The following GTF2H3 variants were observed in gnomAD, a reference collection of about 807,000 sequenced individuals.
GTF2H3 encodes general transcription factor IIH subunit 3.
In GTF2H3, 42 loss-of-function variants were observed where a neutral mutation model predicts 51.1. The observed-to-expected ratio is 0.82, with a 90% CI of 0.64 to 1.06. The LOEUF (loss-of-function observed/expected upper bound fraction) is 1.06. GTF2H3 is among the 50% of genes least tolerant of loss of function. The probability of loss-of-function intolerance (pLI) is 0.00; values close to 1 mark genes in which losing one functional copy is unlikely to be tolerated. For missense variants in GTF2H3, 326 were observed against 366.1 expected (o/e 0.89, Z 0.89); for synonymous variants, 123 against 123.8 (o/e 0.99, Z 0.04).
chr12:123,635,484 A>G (rs1380398510), intron 1 of GTF2H3, among the ~76,000 whole-genome samples: 1 of 151,810 alleles, frequency 6.6e-6, no homozygotes, highest in Non-Finnish European at 1.5e-5. Flanking sequence ...GAGGCAGGAA[A>G]ATTGCTTGAA....
In GTF2H3 at chr12:123,637,858, C is replaced by T. The variant is rs555073072; in HGVS notation, c.14-1406C>T. On this transcript the variant is annotated intron_variant, in intron 1 of 12. Coordinates refer to ENST00000543341, the MANE Select transcript of GTF2H3 (RefSeq NM_001516.5). Reference sequence around the variant, plus strand: ...TTGCTGCTACATGATTTGATGAGTACGGGCCAAATTGACAGCTACGCCTCC... The same window carrying T: ...TTGCTGCTACATGATTTGATGAGTATGGGCCAAATTGACAGCTACGCCTCC... 1.3e-4 allele frequency among the ~76,000 whole-genome samples: 20 copies of T among 152,218 alleles called. No individual in the cohort carries two copies. The South Asian group carries it at 1.9e-3, about 14-fold the overall frequency.
At chr12:123,652,679 A>T (rs1374083688) in intron 6 of GTF2H3, 28 bp from the exon 7 acceptor site, 6 of 1,543,684 alleles carry the variant, frequency 3.9e-6, no homozygotes, top group African/African-American at 1.4e-5. Flanking sequence ...ATTTAGTTAA[A>T]TTTTTTTCTG....
chr12:123,652,793 G>T, intron 7 of GTF2H3, 58 bp downstream of exon 7: 1 of 1,408,822 alleles, frequency 7.1e-7, no homozygotes, highest in South Asian at 1.4e-5. Flanking sequence ...AAACATAACG[G>T]GAGACCAGGT....
chr12:123,648,264 T>G (rs1955476612), intron 4 of GTF2H3, 138 bp downstream of exon 4: 1 of 603,886 alleles, frequency 1.7e-6, no homozygotes, highest in Non-Finnish European at 2.8e-6. Context: ...TTCGTCAAAG[T>G]TGGTTCATTA....
rs1343863479 is a variant in GTF2H3, at chr12:123,660,239, T to A, written c.*4T>A. ...GAAACTGAAAGTGTCTGCCTGAGGA[T>A]AAAATATTTTCCCCATCTTTTAGAG... On this transcript the variant is annotated 3_prime_UTR_variant, in exon 13 of 13. Transcript: ENST00000543341. The A allele has an allele frequency of 6.3e-7, 1 of 1,597,974 alleles. No individual in the cohort carries two copies. Among genetic ancestry groups the A allele is most frequent in the Non-Finnish European group, 8.5e-7 (1 of 1,170,990 alleles).
Position 123,652,728 on chromosome 12 carries a change from G to A in GTF2H3, c.479G>A (p.Arg160Lys). Residue 160 changes from arginine (R) to lysine (K), a missense_variant, in exon 7 of 13, where the codon AGG becomes AAG. Physicochemically the swap from Arg to Lys is conservative, Grantham distance 26. Transcript: ENST00000543341. ...EVKDNQEMKSRILVIKAAEDS... is the reference protein window; with the variant it reads ...EVKDNQEMKSKILVIKAAEDS... ...GTAGACAATCAGGAAATGAAATCAA[G>A]GATATTGGTAAGATAAAAAAATCAT... 6.7e-7 allele frequency: 1 copy of A among 1,501,168 alleles called. No homozygotes were observed. Among genetic ancestry groups the A allele is most frequent in the Non-Finnish European group, 9.0e-7 (1 of 1,107,172 alleles). The allele number at this position is 1,501,168 out of a possible 1,614,324, so 93.0% of individuals were successfully genotyped here. A position where few individuals can be genotyped will look rare whatever the true frequency, so the allele number is the denominator to read the frequency against.
Position 123,659,471 on chromosome 12 carries a change from C to A in GTF2H3, c.616-45C>A, listed in dbSNP as rs764868061. On this transcript the variant is annotated intron_variant, in intron 9 of 12. Coordinates refer to ENST00000543341, the MANE Select transcript of GTF2H3 (RefSeq NM_001516.5). ...ATGAGAACCTCATTCCTCTGGAAAC[C>A]CTAGGTAAGTGCGAGTTTGGCAGCA... The A allele has an allele frequency of 1.3e-5, 21 of 1,564,172 alleles. No individual in the cohort carries two copies. The East Asian group carries it at 4.7e-4, about 35-fold the overall frequency.
At chr12:123,655,556 G>A (rs1479006603) in intron 8 of GTF2H3, 5 of 473,948 alleles carry the variant, frequency 1.1e-5, no homozygotes, top group Non-Finnish European at 1.9e-5. Context: ...GACATGCCGA[G>A]TGGGGTGACA....
chr12:123,639,396 T>C, intron 2 of GTF2H3, 53 bp downstream of exon 2: 1 of 855,124 alleles, frequency 1.2e-6, no homozygotes, highest in Non-Finnish European at 2.0e-6. Context: ...TGAGTGTTTA[T>C]ATTGCTTTTT....
chr12:123,638,521 T>C (rs1256378984), intron 1 of GTF2H3, among the ~76,000 whole-genome samples: 1 of 152,050 alleles, frequency 6.6e-6, no homozygotes, highest in East Asian at 1.9e-4. Flanking sequence ...TTGCCCAGGC[T>C]GGTCTTGGGA....
rs549643388 is a variant in GTF2H3 at position 123,655,666 on chromosome 12, T to C, written c.562-105T>C. 13 of 704,310 alleles carry C rather than the reference T, an allele frequency of 1.8e-5. No individual in the cohort carries two copies. In the South Asian group the frequency reaches 2.1e-4, roughly 11 times the overall value. The allele number at this position is 704,310 out of a possible 1,614,324, so 43.6% of individuals were successfully genotyped here. A position where few individuals can be genotyped will look rare whatever the true frequency, so the allele number is the denominator to read the frequency against. On this transcript the variant is annotated intron_variant, in intron 8 of 12. Coordinates refer to ENST00000543341, the MANE Select transcript of GTF2H3 (RefSeq NM_001516.5). ...TGCCGTGCAGAGTCACGTTGCATAT[T>C]GAGTGAGCTATTTTAAGCATAGAGT...
At chr12:123,648,332 G>A (rs972716464) in intron 4 of GTF2H3, 11 of 381,822 alleles carry the variant, frequency 2.9e-5, no homozygotes, top group Admixed American at 9.2e-5. Context: ...CTGGAAACAC[G>A]ACTTTTGGCT....
In GTF2H3 at chr12:123,645,733, T is replaced by A. The variant is rs1955437138; in HGVS notation, c.200+172T>A. Reference sequence around the variant, plus strand: ...TGTACATTGTGATATCCATGAAATTTGCAAACCTTATTATTAGTAGATAGT... The same window carrying A: ...TGTACATTGTGATATCCATGAAATTAGCAAACCTTATTATTAGTAGATAGT... On this transcript the variant is annotated intron_variant, in intron 3 of 12. Transcript: ENST00000543341. 2.0e-5 allele frequency among the ~76,000 whole-genome samples: 3 copies of A among 152,196 alleles called. No homozygotes were observed. In the South Asian group the frequency reaches 6.2e-4, roughly 31 times the overall value.
In GTF2H3 at chr12:123,660,272, T is replaced by C. The variant is rs1408381758; in HGVS notation, c.*37T>C. The C allele has an allele frequency of 1.4e-6, 2 of 1,429,512 alleles. No homozygotes were observed. The highest frequency in any genetic ancestry group is 1.9e-6 in the Non-Finnish European group (2 of 1,027,616). 88.6% of individuals were successfully genotyped at this position (1,429,512 alleles called of 1,614,324 possible). A position where few individuals can be genotyped will look rare whatever the true frequency, so the allele number is the denominator to read the frequency against. On this transcript the variant is annotated 3_prime_UTR_variant, in exon 13 of 13. Transcript: ENST00000543341. ...TTTCCCCATCTTTTAGAGCTGTTAATAGAAATTATATAGCAGATTCTTTGT... is the reference window on the plus strand; with the variant it reads ...TTTCCCCATCTTTTAGAGCTGTTAACAGAAATTATATAGCAGATTCTTTGT...
intron 1 of GTF2H3, 57 bp downstream of exon 1, chr12:123,633,929 T>C: frequency 6.3e-7 from 1 of 1,583,702 alleles, no homozygotes; most frequent in East Asian, 2.2e-5. Context: ...TCGGTCCGGC[T>C]ACGACTGGCC....
At chr12:123,657,217 A>G (rs767433343) in intron 9 of GTF2H3, among the ~76,000 whole-genome samples, 1 of 151,934 alleles carries the variant, frequency 6.6e-6, no homozygotes, top group African/African-American at 2.4e-5. Context: ...TTTTGCACCA[A>G]CCTAATATAA....
chr12:123,637,097 A>T (rs1291597517), intron 1 of GTF2H3, among the ~76,000 whole-genome samples: 1 of 152,204 alleles, frequency 6.6e-6, no homozygotes, highest in East Asian at 1.9e-4. Context: ...AAAATACATA[A>T]ATAAATAAAT....
intron 1 of GTF2H3, among the ~76,000 whole-genome samples, chr12:123,638,308 G>A (rs887603573): frequency 6.6e-6 from 1 of 151,624 alleles, no homozygotes; most frequent in Admixed American, 6.6e-5. Flanking sequence ...ACAGGTGCTT[G>A]CCACCAAACC....
chr12:123,639,959 C>G (rs1288459228), intron 2 of GTF2H3: 1 of 455,934 alleles, frequency 2.2e-6, no homozygotes, highest in African/African-American at 2.0e-5. Context: ...TCCATCAGCA[C>G]CACCATCTCA....
Sources: gnomAD v4.1 joint callset for allele counts (sites outside exome capture counted in the v4.1 genomes callset) on GRCh38, gnomAD v4.1.1 for gene constraint, MANE v1.5 for transcripts, NCBI Gene and HGNC (gene_info 2026-07-23, HGNC 2026-07-21) for gene names.